The following FBXO11 variants were observed in gnomAD, a reference collection of about 807,000 sequenced individuals.
FBXO11 encodes F-box only protein 11.
In FBXO11, 13 loss-of-function variants were observed where a neutral mutation model predicts 117.0. The observed-to-expected ratio is 0.11, with a 90% CI of 0.07 to 0.18. The LOEUF (loss-of-function observed/expected upper bound fraction) is 0.18. Ranked by LOEUF, FBXO11 falls within the 10% of genes least tolerant of loss-of-function variation. The pLI, the probability that FBXO11 is intolerant of heterozygous loss-of-function variation, is 1.00. For synonymous variants in FBXO11, 490 were observed against 380.5 expected, an observed-to-expected ratio of 1.29 and a Z score of -3.35; for missense variants, 767 against 1,164.4, an observed-to-expected ratio of 0.66 and a Z score of 4.97.
At chr2:47,834,446 T>C (rs1672411373) in intron 7 of FBXO11, 133 bp downstream of exon 7, 3 of 626,238 alleles carry the variant, frequency 4.8e-6, no homozygotes, top group Non-Finnish European at 7.9e-6. Flanking sequence ...ACTTAAAATA[T>C]GTGTGATATC....
intron 1 of FBXO11, among the ~76,000 whole-genome samples, chr2:47,853,664 A>G (rs540122259): frequency 2.6e-5 from 4 of 152,326 alleles, no homozygotes; most frequent in African/African-American, 7.2e-5. Flanking sequence ...CATCTATAAA[A>G]TGGAGATAAT....
At position 47,838,942 on chromosome 2, in the gene FBXO11, G is replaced by A. The variant is rs1672803799; in HGVS notation, c.504C>T (p.Phe168=). 6.2e-7 allele frequency: 1 copy of A among 1,614,098 alleles called. No homozygotes were observed. The highest frequency in any genetic ancestry group is 8.5e-7 in the Non-Finnish European group (1 of 1,179,968). ...AAAGATCCTGTTCCAGCAAGTAAGAGAAGATTTTTAGAACCACTTCATCTG... is the reference window on the plus strand; with the variant it reads ...AAAGATCCTGTTCCAGCAAGTAAGAAAAGATTTTTAGAACCACTTCATCTG... The part of the protein sequence containing the change: ...KLPDEVVLKI[F]SYLLEQDLCR... Residue 168 remains phenylalanine, a synonymous_variant, in exon 4 of 23, where the codon TTC becomes TTT. Coordinates refer to ENST00000403359, the MANE Select transcript of FBXO11 (RefSeq NM_001190274.2).
chr2:47,855,635 A>G (rs1250168050), intron 1 of FBXO11, among the ~76,000 whole-genome samples: 5 of 152,212 alleles, frequency 3.3e-5, no homozygotes, highest in East Asian at 3.9e-4. Context: ...GGAGTTCGAG[A>G]CCAGCCTGAC....
intron 1 of FBXO11, among the ~76,000 whole-genome samples, chr2:47,901,399 CATCT>C (rs1678292170): frequency 6.6e-6 from 1 of 151,768 alleles, no homozygotes. Context: ...AAAAAAAATA[CATCT>C]ATTTTCAAAA....
chr2:47,898,914 T>C (rs964212988), intron 1 of FBXO11, among the ~76,000 whole-genome samples: 3 of 152,124 alleles, frequency 2.0e-5, no homozygotes, highest in Non-Finnish European at 4.4e-5. Context: ...GCATCTTCAT[T>C]GTTGTATAGC....
rs539367569 is a variant in FBXO11 at position 47,901,078 on chromosome 2, C to G, written c.232+4411G>C. ...ACATATATATGTATATATATACACA[C>G]GTGTGTACATATATATACATATATA... On this transcript the variant is annotated intron_variant, in intron 1 of 22. Transcript: ENST00000403359. Among the ~76,000 whole-genome samples the G allele has an allele frequency of 2.4e-5, 3 of 126,672 alleles. No individual in the cohort carries two copies. In the South Asian group the frequency reaches 7.6e-4, roughly 32 times the overall value. 83.1% of individuals were successfully genotyped at this position (126,672 alleles called of 152,430 possible).
At position 47,807,997 on chromosome 2, in the gene FBXO11, G is replaced by C; in HGVS notation, c.*121C>G. 1 of 875,554 alleles carries C rather than the reference G, an allele frequency of 1.1e-6. No individual in the cohort carries two copies. The highest frequency in any genetic ancestry group is 1.8e-6 in the Non-Finnish European group (1 of 568,480). The allele number at this position is 875,554 out of a possible 1,614,324, so 54.2% of individuals were successfully genotyped here. On this transcript the variant is annotated 3_prime_UTR_variant, in exon 23 of 23. Transcript: ENST00000403359. The stretch of plus-strand genomic sequence containing the variant: ...GAGCTTCATAGTGTCAACTGACCTT[G>C]TGTATCCATTTTTAATACAGTCTCT...
chr2:47,823,116 T>C (rs1332773164), intron 12 of FBXO11, 27 bp downstream of exon 12: 3 of 1,525,920 alleles, frequency 2.0e-6, no homozygotes, highest in East Asian at 4.6e-5. Context: ...GAAAAAGTAA[T>C]TTTCACCCAT....
At chr2:47,866,473 TG>T (rs1302961645) in intron 1 of FBXO11, among the ~76,000 whole-genome samples, 3 of 151,686 alleles carry the variant, frequency 2.0e-5, no homozygotes, top group African/African-American at 7.3e-5. Context: ...CTAGCAAGTT[TG>T]TTTTTTTTTT....
rs528598758 is a variant in FBXO11 at position 47,816,886 on chromosome 2, C to T, written c.2006+1893G>A. 2.6e-5 allele frequency among the ~76,000 whole-genome samples: 4 copies of T among 152,240 alleles called. No homozygotes were observed. In the East Asian group the frequency reaches 7.7e-4, roughly 29 times the overall value. ...TAGCGCACAGGCAGAGTAGATTTAGCATAATTCTTAAGGGCCCTAGGGTTT... is the reference window on the plus strand; with the variant it reads ...TAGCGCACAGGCAGAGTAGATTTAGTATAATTCTTAAGGGCCCTAGGGTTT... On this transcript the variant is annotated intron_variant, in intron 16 of 22. Transcript: ENST00000403359.
intron 1 of FBXO11, among the ~76,000 whole-genome samples, chr2:47,844,042 A>G (rs745639375): frequency 6.6e-6 from 1 of 152,034 alleles, no homozygotes; most frequent in Non-Finnish European, 1.5e-5. Context: ...TGCCTGGCCT[A>G]GATTTGCTTA....
chr2:47,831,427 G>GAA (rs920107554), intron 11 of FBXO11, among the ~76,000 whole-genome samples: 10 of 65,770 alleles, frequency 1.5e-4, no homozygotes, highest in African/African-American at 2.3e-4. Context: ...GTCTCAAAAA[G>GAA]AAAAAAAAAA....
rs1319372163 is a variant in FBXO11, at chr2:47,813,436, T to TTATTTA, written c.2084-60_2084-59insTAAATA. On this transcript the variant is annotated intron_variant, in intron 17 of 22. Transcript: ENST00000403359. ...TATATTTCTTTTTAATTTTTTTTTT[T>TTATTTA]TTTTTTTTTTTTGAGACAGAGTCTC... is the stretch of plus-strand genomic sequence containing the variant. 2.9e-6 allele frequency: 3 copies of TTATTTA among 1,032,724 alleles called. No individual in the cohort carries two copies. In the African/African-American group the frequency reaches 6.6e-5, roughly 23 times the overall value. The allele number at this position is 1,032,724 out of a possible 1,614,324, so 64.0% of individuals were successfully genotyped here. A position where few individuals can be genotyped will look rare whatever the true frequency, so the allele number is the denominator to read the frequency against.
intron 1 of FBXO11, among the ~76,000 whole-genome samples, chr2:47,858,027 A>C (rs1229267794): frequency 1.3e-5 from 2 of 152,232 alleles, no homozygotes; most frequent in Non-Finnish European, 1.5e-5. Flanking sequence ...ATGGCGCCAA[A>C]ATATCTTTTT....
chr2:47,851,631 G>A (rs531287162), intron 1 of FBXO11, among the ~76,000 whole-genome samples: 7 of 152,268 alleles, frequency 4.6e-5, no homozygotes, highest in African/African-American at 1.7e-4. Context: ...AAGCAATATA[G>A]TAAGTGCCAT....
At chr2:47,894,932 G>A (rs748923659) in intron 1 of FBXO11, among the ~76,000 whole-genome samples, 5 of 151,968 alleles carry the variant, frequency 3.3e-5, no homozygotes, top group African/African-American at 9.7e-5. Flanking sequence ...CCTCAAGACT[G>A]AACTGTTAAA....
intron 1 of FBXO11, among the ~76,000 whole-genome samples, chr2:47,840,529 C>A (rs1672937588): frequency 6.7e-6 from 1 of 150,056 alleles, no homozygotes. Context: ...CAGCTCACTG[C>A]AGCCTCAACC....
chr2:47,865,007 G>A (rs1435479471), intron 1 of FBXO11, among the ~76,000 whole-genome samples: 1 of 152,194 alleles, frequency 6.6e-6, no homozygotes, highest in African/African-American at 2.4e-5. Flanking sequence ...CCTATTTATA[G>A]AGTAAAATTT....
At chr2:47,846,266 T>C (rs1006138459) in intron 1 of FBXO11, among the ~76,000 whole-genome samples, 1 of 152,064 alleles carries the variant, frequency 6.6e-6, no homozygotes, top group Admixed American at 6.6e-5. Context: ...TTGGGAGTTC[T>C]AGACCAGCCT....
Sources: gnomAD v4.1 joint callset for allele counts (sites outside exome capture counted in the v4.1 genomes callset) on GRCh38, gnomAD v4.1.1 for gene constraint, MANE v1.5 for transcripts, NCBI Gene and HGNC (gene_info 2026-07-23, HGNC 2026-07-21) for gene names.